KIAA0825: variants seen among roughly 807,000 people sequenced by gnomAD.
KIAA0825 encodes the protein KIAA0825.
In KIAA0825, 119 loss-of-function variants were observed where a neutral mutation model predicts 147.6. The observed-to-expected ratio is 0.81, with a 90% CI of 0.69 to 0.94. KIAA0825 has a LOEUF of 0.94. Ranked by LOEUF, KIAA0825 falls within the 40% of genes least tolerant of loss-of-function variation. The pLI is 0.00. For synonymous variants in KIAA0825, 470 were observed against 518.1 expected (o/e 0.91, Z 1.26); for missense variants, 1,381 against 1,472.7 (o/e 0.94, Z 1.02).
chr5:94,504,100 C>T (rs1004870956), intron 5 of KIAA0825, among the ~76,000 whole-genome samples: 9 of 152,152 alleles, frequency 5.9e-5, no homozygotes, highest in Non-Finnish European at 1.2e-4. Flanking sequence ...ATTATCAGAG[C>T]CCTTAAATTA....
chr5:94,452,227 C>T (rs927336576), intron 13 of KIAA0825, among the ~76,000 whole-genome samples: 1 of 152,124 alleles, frequency 6.6e-6, no homozygotes, highest in Non-Finnish European at 1.5e-5. Flanking sequence ...ATGGAAACTT[C>T]TGTATATGAG....
chr5:94,228,437 A>AG (rs995770017), intron 20 of KIAA0825, among the ~76,000 whole-genome samples: 22 of 152,146 alleles, frequency 1.4e-4, no homozygotes, highest in African/African-American at 5.1e-4. Context: ...TACAACCATG[A>AG]GGGGAAGACA....
At chr5:94,471,815 A>C in intron 8 of KIAA0825, 84 bp from the exon 9 acceptor site, 1 of 1,236,854 alleles carries the variant, frequency 8.1e-7, no homozygotes, top group Non-Finnish European at 1.1e-6. Flanking sequence ...AAATTCCTAA[A>C]TAATGAATTT....
Position 94,152,876 on chromosome 5 carries a change from AT to A in KIAA0825, c.*1130del, listed in dbSNP as rs1562284176. ...AAAAATTATATATATATATATATAT[AT>A]ATATATATATATATATATATATATA... On this transcript the variant is annotated 3_prime_UTR_variant, in exon 21 of 21. Coordinates refer to ENST00000682413, the MANE Select transcript of KIAA0825 (RefSeq NM_001145678.3). The A allele has an allele frequency of 2.1e-3, 127 of 60,692 alleles. 15 individuals carry two copies. The highest frequency in any genetic ancestry group is 7.6e-3 in the African/African-American group (116 of 15,324). The allele number at this position is 60,692 out of a possible 1,614,324, so 3.8% of individuals were successfully genotyped here. A position where few individuals can be genotyped will look rare whatever the true frequency, so the allele number is the denominator to read the frequency against.
intron 20 of KIAA0825, among the ~76,000 whole-genome samples, chr5:94,381,370 T>C (rs1748387712): frequency 1.3e-5 from 2 of 152,170 alleles, no homozygotes; most frequent in Admixed American, 1.3e-4. Context: ...ATAGAAAATA[T>C]TTGGGAAAAA....
chr5:94,159,932 A>C (rs1163152156), intron 20 of KIAA0825, among the ~76,000 whole-genome samples: 1 of 152,192 alleles, frequency 6.6e-6, no homozygotes, highest in Non-Finnish European at 1.5e-5. Flanking sequence ...TGTAGTGTTA[A>C]ACAACATTAG....
rs148504794 is a variant in KIAA0825, at chr5:94,520,440, T to C, written c.778A>G (p.Asn260Asp). The change falls in exon 5 of 21, where the codon AAC becomes GAC. Residue 260 changes from asparagine to aspartate, a missense_variant. Physicochemically the swap from Asn to Asp is conservative, Grantham distance 23. Coordinates refer to ENST00000682413, the MANE Select transcript of KIAA0825 (RefSeq NM_001145678.3). ...KLYSVIKEDF[N>D]TLCEILAPSS... Reference sequence around the variant, plus strand: ...GGAGCTAAAATTTCACATAGTGTGTTAAAATCCTCTTTTATTACTGAGTAT... The same window carrying C: ...GGAGCTAAAATTTCACATAGTGTGTCAAAATCCTCTTTTATTACTGAGTAT... The C allele has an allele frequency of 3.4e-4, 552 of 1,612,648 alleles. No homozygotes were observed. Among genetic ancestry groups the C allele is most frequent in the Middle Eastern group, 1.8e-3 (11 of 6,078 alleles).
At chr5:94,357,088 AAGAG>A (rs1284631638) in intron 20 of KIAA0825, among the ~76,000 whole-genome samples, 2 of 152,176 alleles carry the variant, frequency 1.3e-5, no homozygotes, top group African/African-American at 4.8e-5. Flanking sequence ...GCTCGAAAGA[AAGAG>A]AAAGACAAAG....
chr5:94,206,096 C>T (rs1018762804), intron 20 of KIAA0825, among the ~76,000 whole-genome samples: 5 of 152,042 alleles, frequency 3.3e-5, no homozygotes, highest in African/African-American at 1.2e-4. Flanking sequence ...TTCTTTTAAC[C>T]TAATTTGGTT....
chr5:94,507,902 C>T (rs1765953884), intron 5 of KIAA0825, among the ~76,000 whole-genome samples: 1 of 152,094 alleles, frequency 6.6e-6, no homozygotes, highest in African/African-American at 2.4e-5. Context: ...TCCATAAATC[C>T]CACTAGCAAT....
At position 94,471,489 on chromosome 5, in the gene KIAA0825, A is replaced by G; in HGVS notation, c.1698T>C (p.Asn566=). Reference sequence around the variant, plus strand: ...ACTTTTTAGTCATTTCCTTCATCAAATTATCATATCGCTTGAAATGCTGGA... The same window carrying G: ...ACTTTTTAGTCATTTCCTTCATCAAGTTATCATATCGCTTGAAATGCTGGA... ...YVFQHFKRYD[N]LMKEMTKKPI... Residue 566 remains asparagine (N), a synonymous_variant, in exon 9 of 21, where the codon AAT becomes AAC. Transcript: ENST00000682413. The G allele has an allele frequency of 6.4e-7, 1 of 1,551,970 alleles. No homozygotes were observed. The highest frequency in any genetic ancestry group is 1.2e-5 in the South Asian group (1 of 84,026).
At chr5:94,205,907 G>GT (rs978272397) in intron 20 of KIAA0825, among the ~76,000 whole-genome samples, 108 of 151,764 alleles carry the variant, frequency 7.1e-4, no homozygotes, top group African/African-American at 2.4e-3. Context: ...TTGTATTAAG[G>GT]TTTTTTTTCC....
chr5:94,164,736 G>T (rs568368890), intron 20 of KIAA0825, among the ~76,000 whole-genome samples: 5 of 152,064 alleles, frequency 3.3e-5, no homozygotes, highest in African/African-American at 1.2e-4. Flanking sequence ...TTTAACAAAG[G>T]TTCTAAGAAC....
At chr5:94,401,138 A>G (rs927509471) in intron 16 of KIAA0825, among the ~76,000 whole-genome samples, 1 of 152,106 alleles carries the variant, frequency 6.6e-6, no homozygotes, top group African/African-American at 2.4e-5. Flanking sequence ...GTTTATCAAG[A>G]TGACTCCAAA....
At chr5:94,523,883 C>T (rs768708762) in intron 4 of KIAA0825, 47 bp downstream of exon 4, 4 of 1,245,046 alleles carry the variant, frequency 3.2e-6, no homozygotes, top group South Asian at 1.4e-5. Flanking sequence ...GAGTTGTATT[C>T]CCTGTTTACT....
rs34842887 is a variant in KIAA0825 at position 94,200,946 on chromosome 5, CATATATATATATAT to C, written c.3711-46836_3711-46823del. ...TTTCTCTAGAAATATAGAATTTAAACATATATATATATATATATATATATATATATATATATATG... is the reference window on the plus strand; with the variant it reads ...TTTCTCTAGAAATATAGAATTTAAACATATATATATATATATATATATATG... On this transcript the variant is annotated intron_variant, in intron 20 of 20. Transcript: ENST00000682413. 4.5e-4 allele frequency among the ~76,000 whole-genome samples: 47 copies of C among 103,896 alleles called. No individual in the cohort carries two copies. In the South Asian group the frequency reaches 5.2e-3, roughly 11 times the overall value. The allele number at this position is 103,896 out of a possible 152,430, so 68.2% of individuals were successfully genotyped here. A position where few individuals can be genotyped will look rare whatever the true frequency, so the allele number is the denominator to read the frequency against.
At chr5:94,319,557 A>C (rs1419083127) in intron 20 of KIAA0825, among the ~76,000 whole-genome samples, 1 of 151,902 alleles carries the variant, frequency 6.6e-6, no homozygotes, top group Admixed American at 6.6e-5. Context: ...TCATCTCAAT[A>C]ATCATATGCT....
intron 20 of KIAA0825, among the ~76,000 whole-genome samples, chr5:94,234,547 A>T (rs1002446528): frequency 6.6e-6 from 1 of 152,208 alleles, no homozygotes; most frequent in Admixed American, 6.5e-5. Flanking sequence ...ATGGTGCTGC[A>T]GGCTTTACAG....
At chr5:94,424,500 T>C (rs954323874) in intron 14 of KIAA0825, among the ~76,000 whole-genome samples, 17 of 151,860 alleles carry the variant, frequency 1.1e-4, no homozygotes, top group Non-Finnish European at 2.4e-4. Context: ...CAATAAAACC[T>C]AAAAGATACA....
Sources: gnomAD v4.1 joint callset for allele counts (sites outside exome capture counted in the v4.1 genomes callset) on GRCh38, gnomAD v4.1.1 for gene constraint, MANE v1.5 for transcripts, NCBI Gene and HGNC (gene_info 2026-07-23, HGNC 2026-07-21) for gene names.